Variants in PPP2R3A observed in about 807,000 individuals in gnomAD.
The protein encoded by PPP2R3A is serine/threonine-protein phosphatase 2A regulatory subunit B'' subunit alpha.
Under a neutral mutation model 106.9 loss-of-function variants are expected in PPP2R3A, and 80 were observed. The ratio of observed to expected loss-of-function variants is 0.75; its 90% CI spans 0.62 to 0.90. The LOEUF is 0.90. Among genes scored for constraint, PPP2R3A ranks in the 40% least tolerant of loss-of-function variants. PPP2R3A has a pLI of 0.00. For synonymous variants in PPP2R3A, 483 were observed against 468.3 expected, an observed-to-expected ratio of 1.03 and a Z score of -0.41; for missense variants, 1,386 against 1,350.4, an observed-to-expected ratio of 1.03 and a Z score of -0.41.
chr3:136,045,413 C>T (rs1376073993), intron 4 of PPP2R3A, among the ~76,000 whole-genome samples: 1 of 152,160 alleles, frequency 6.6e-6, no homozygotes, highest in Non-Finnish European at 1.5e-5. Flanking sequence ...CGGAAGAGCC[C>T]TTACTCTCAG....
intron 4 of PPP2R3A, among the ~76,000 whole-genome samples, chr3:136,043,508 A>G (rs562836382): frequency 6.6e-6 from 1 of 152,218 alleles, no homozygotes; most frequent in African/African-American, 2.4e-5. Context: ...CAGACTGCTC[A>G]TGGGGTGGAG....
At chr3:136,143,468 G>A (rs1185983536) in intron 13 of PPP2R3A, among the ~76,000 whole-genome samples, 1 of 151,834 alleles carries the variant, frequency 6.6e-6, no homozygotes, top group Non-Finnish European at 1.5e-5. Context: ...TCCAGCCTGG[G>A]CAACAGAGCA....
At chr3:135,998,293 A>G (rs1347013181) in intron 1 of PPP2R3A, among the ~76,000 whole-genome samples, 2 of 152,242 alleles carry the variant, frequency 1.3e-5, no homozygotes, top group South Asian at 2.1e-4. Flanking sequence ...ATATTTCAGG[A>G]AACTTTTCCT....
At chr3:136,141,478 A>AC (rs1364181955) in intron 13 of PPP2R3A, among the ~76,000 whole-genome samples, 2 of 152,198 alleles carry the variant, frequency 1.3e-5, no homozygotes, top group African/African-American at 4.8e-5. Context: ...TATAATCCCT[A>AC]CCCCTTAGGT....
At chr3:136,009,721 C>T (rs1933979486) in intron 2 of PPP2R3A, among the ~76,000 whole-genome samples, 1 of 152,118 alleles carries the variant, frequency 6.6e-6, no homozygotes, top group African/African-American at 2.4e-5. Context: ...AACAAGCCCT[C>T]CGGGTGATTC....
intron 1 of PPP2R3A, among the ~76,000 whole-genome samples, chr3:135,999,175 A>G (rs913765252): frequency 6.6e-6 from 1 of 152,186 alleles, no homozygotes; most frequent in African/African-American, 2.4e-5. Context: ...AACAGCAATA[A>G]TATTTATTGT....
At chr3:136,050,226 T>C (rs940494804) in intron 5 of PPP2R3A, among the ~76,000 whole-genome samples, 1 of 152,224 alleles carries the variant, frequency 6.6e-6, no homozygotes, top group Non-Finnish European at 1.5e-5. Flanking sequence ...ATTTTTCCTT[T>C]TCTGTGTATG....
intron 13 of PPP2R3A, among the ~76,000 whole-genome samples, chr3:136,120,145 G>A (rs980367839): frequency 4.0e-5 from 6 of 151,650 alleles, no homozygotes; most frequent in African/African-American, 1.5e-4. Flanking sequence ...GGGGGGGTGG[G>A]GGCTAGGGGA....
At chr3:136,090,207 G>A (rs1475261504) in intron 9 of PPP2R3A, among the ~76,000 whole-genome samples, 1 of 152,072 alleles carries the variant, frequency 6.6e-6, no homozygotes, top group African/African-American at 2.4e-5. Flanking sequence ...TCTAGCTTTT[G>A]TCCATTCAGT....
chr3:136,077,636 T>A (rs1279672886), intron 6 of PPP2R3A, among the ~76,000 whole-genome samples: 3 of 152,086 alleles, frequency 2.0e-5, no homozygotes, highest in Non-Finnish European at 2.9e-5. Flanking sequence ...AAGAATGCAC[T>A]GTGACCTCCT....
At chr3:136,093,749 G>C (rs1478790001) in intron 10 of PPP2R3A, among the ~76,000 whole-genome samples, 2 of 152,164 alleles carry the variant, frequency 1.3e-5, no homozygotes, top group Non-Finnish European at 2.9e-5. Flanking sequence ...ATAATAACAG[G>C]TGCTGCCAAG....
intron 5 of PPP2R3A, among the ~76,000 whole-genome samples, chr3:136,065,386 G>A (rs938862302): frequency 3.3e-5 from 5 of 152,086 alleles, no homozygotes; most frequent in Admixed American, 3.3e-4. Flanking sequence ...GGTGGGGTAG[G>A]TTAGTAGAAT....
rs1021941495 is a variant in PPP2R3A at position 136,022,666 on chromosome 3, T to G, written c.1996-4166T>G. 3 of 714,274 alleles carry G rather than the reference T, an allele frequency of 4.2e-6. No homozygotes were observed. In the African/African-American group the frequency reaches 5.8e-5, roughly 14 times the overall value. The allele number at this position is 714,274 out of a possible 1,614,324, so 44.2% of individuals were successfully genotyped here. A position where few individuals can be genotyped will look rare whatever the true frequency, so the allele number is the denominator to read the frequency against. ...CTGAGTTTAAGAAGTTAGCATTATCTGAGAAGGTACTATTTTTAGGTCCAG... is the reference window on the plus strand; with the variant it reads ...CTGAGTTTAAGAAGTTAGCATTATCGGAGAAGGTACTATTTTTAGGTCCAG... On this transcript the variant is annotated intron_variant, in intron 2 of 13. Coordinates refer to ENST00000264977, the MANE Select transcript of PPP2R3A (RefSeq NM_002718.5).
chr3:136,052,113 A>G (rs915294843), intron 5 of PPP2R3A, among the ~76,000 whole-genome samples: 7 of 152,290 alleles, frequency 4.6e-5, no homozygotes, highest in African/African-American at 1.7e-4. Context: ...TGAAATCTCA[A>G]ATCTTCAATA....
At position 135,983,237 on chromosome 3, in the gene PPP2R3A, T is replaced by C. The variant is rs114195473; in HGVS notation, c.-441+17388T>C. On this transcript the variant is annotated intron_variant, in intron 1 of 13. Transcript: ENST00000264977. ...TTTGCCCCATTTCTCTACCCAAGTTTAGTTTTGGGGTGTGCTTCACAGAAT... is the reference window on the plus strand; with the variant it reads ...TTTGCCCCATTTCTCTACCCAAGTTCAGTTTTGGGGTGTGCTTCACAGAAT... Among the ~76,000 whole-genome samples, 463 of 152,324 alleles carry C rather than the reference T, an allele frequency of 3.0e-3. 3 individuals carry two copies. The highest frequency in any genetic ancestry group is 0.011 in the African/African-American group (443 of 41,578).
intron 5 of PPP2R3A, among the ~76,000 whole-genome samples, chr3:136,054,500 G>C (rs1279529962): frequency 6.6e-6 from 1 of 151,862 alleles, no homozygotes; most frequent in Non-Finnish European, 1.5e-5. Flanking sequence ...CTCGTGATCC[G>C]CCCACCTCGG....
chr3:136,003,080 A>G lies in PPP2R3A; in HGVS notation c.1582A>G (p.Arg528Gly). The change falls in exon 2 of 14, where the codon AGA (arginine) becomes GGA (glycine). Residue 528 changes from arginine (R) to glycine (G), a missense_variant. Transcript: ENST00000264977. Reference protein sequence around the residue: ...SFSQKMETSLREPLAKGKNSN... With the variant: ...SFSQKMETSLGEPLAKGKNSN... ...TTCACAGAAGATGGAGACCTCTCTAAGAGAGCCACTTGCGAAGGGTAAAAA... is the reference window on the plus strand; with the variant it reads ...TTCACAGAAGATGGAGACCTCTCTAGGAGAGCCACTTGCGAAGGGTAAAAA... 2 of 1,611,562 alleles carry G rather than the reference A, an allele frequency of 1.2e-6. No homozygotes were observed. The highest frequency in any genetic ancestry group is 1.7e-6 in the Non-Finnish European group (2 of 1,179,404).
At chr3:135,994,984 A>G (rs972112399) in intron 1 of PPP2R3A, among the ~76,000 whole-genome samples, 26 of 152,208 alleles carry the variant, frequency 1.7e-4, no homozygotes, top group African/African-American at 6.0e-4. Context: ...GGAGCTTTCC[A>G]GAGGCACTGG....
intron 13 of PPP2R3A, among the ~76,000 whole-genome samples, chr3:136,143,792 A>G (rs1312133922): frequency 6.6e-6 from 1 of 152,138 alleles, no homozygotes; most frequent in African/African-American, 2.4e-5. Context: ...CTCCATCTCA[A>G]AAGAAAAAAC....
Sources: allele counts gnomAD v4.1 joint callset (sites outside exome capture counted in the v4.1 genomes callset), GRCh38; gene constraint gnomAD v4.1.1; transcripts MANE v1.5; gene names NCBI Gene and HGNC (gene_info 2026-07-23, HGNC 2026-07-21).